DROSHA: variants seen among roughly 807,000 people sequenced by gnomAD.
DROSHA encodes ribonuclease 3.
Under a neutral mutation model 181.9 loss-of-function variants are expected in DROSHA, and 56 were observed. The observed-to-expected ratio is 0.31, with a 90% CI of 0.25 to 0.38. The LOEUF is 0.38. DROSHA is among the 10% of genes least tolerant of loss of function. DROSHA has a pLI of 1.00. For missense variants in DROSHA, 1,218 were observed against 1,743.5 expected, an observed-to-expected ratio of 0.70 and a Z score of 5.37; for synonymous variants, 524 against 591.2, an observed-to-expected ratio of 0.89 and a Z score of 1.65.
intron 20 of DROSHA, among the ~76,000 whole-genome samples, chr5:31,459,586 T>C (rs1748141666): frequency 6.6e-6 from 1 of 152,146 alleles, no homozygotes; most frequent in Non-Finnish European, 1.5e-5. Flanking sequence ...CTCCCAGACA[T>C]TCCTCCTTCC....
At chr5:31,496,315 C>T (rs1051943303) in intron 11 of DROSHA, among the ~76,000 whole-genome samples, 3 of 152,180 alleles carry the variant, frequency 2.0e-5, no homozygotes, top group Non-Finnish European at 2.9e-5. Context: ...GTGGTCCCAG[C>T]TACTCAGGAG....
chr5:31,417,385 G>C (rs1029870135), intron 30 of DROSHA, among the ~76,000 whole-genome samples: 36 of 152,268 alleles, frequency 2.4e-4, no homozygotes, highest in African/African-American at 8.7e-4. Context: ...GGAAGGTTTG[G>C]GAGGTTTTGT....
chr5:31,522,386 C>T (rs552956194), intron 5 of DROSHA, among the ~76,000 whole-genome samples: 8 of 151,894 alleles, frequency 5.3e-5, no homozygotes, highest in African/African-American at 1.2e-4. Context: ...TGTAATGGCA[C>T]GGCTGTTGAA....
At chr5:31,443,487 T>A (rs1035985901) in intron 23 of DROSHA, among the ~76,000 whole-genome samples, 2 of 152,192 alleles carry the variant, frequency 1.3e-5, no homozygotes, top group African/African-American at 4.8e-5. Flanking sequence ...AAATGCCTAA[T>A]CCTTCAGACA....
chr5:31,504,769 T>C (rs546913208), intron 10 of DROSHA, 134 bp from the exon 11 acceptor site: 11 of 847,770 alleles, frequency 1.3e-5, no homozygotes, highest in Admixed American at 1.2e-4. Context: ...GTTAGAAGAT[T>C]AAACGGATGT....
At chr5:31,520,608 T>C (rs1034967450) in intron 6 of DROSHA, among the ~76,000 whole-genome samples, 8 of 152,114 alleles carry the variant, frequency 5.3e-5, no homozygotes, top group African/African-American at 1.9e-4. Context: ...AGTAATAAAA[T>C]TGGGAGAGCT....
intron 15 of DROSHA, among the ~76,000 whole-genome samples, chr5:31,484,383 A>C: frequency 1.4e-5 from 1 of 71,444 alleles, no homozygotes; most frequent in African/African-American, 4.5e-5. Context: ...TCCGTCTCAA[A>C]AAAAAAAAAA....
chr5:31,466,319 G>A (rs2150025782), intron 18 of DROSHA, 38 bp from the exon 19 acceptor site: 5 of 1,582,282 alleles, frequency 3.2e-6, no homozygotes, highest in Non-Finnish European at 4.3e-6. Context: ...AGGTAAAGAG[G>A]AGGTAAACCT....
At chr5:31,404,922 G>T (rs1347069422) in intron 35 of DROSHA, among the ~76,000 whole-genome samples, 1 of 152,026 alleles carries the variant, frequency 6.6e-6, no homozygotes, top group Non-Finnish European at 1.5e-5. Flanking sequence ...TAATCTGCAG[G>T]GCTGCTCATG....
Position 31,515,176 on chromosome 5 carries a change from C to T in DROSHA, c.1102G>A (p.Glu368Lys). 6.2e-7 allele frequency: 1 copy of T among 1,613,914 alleles called. No individual in the cohort carries two copies. The highest frequency in any genetic ancestry group is 8.5e-7 in the Non-Finnish European group (1 of 1,179,874). Residue 368 changes from glutamate to lysine, a missense_variant, in exon 8 of 36, where the codon GAA becomes AAA. By Grantham distance (56) the Glu-to-Lys change is moderately conservative (BLOSUM62 1). Coordinates refer to ENST00000344624, the MANE Select transcript of DROSHA (RefSeq NM_001382508.1). ...REKKRARWEE[E>K]KDRWSDNQSS... ...TGGTTGTCACTCCAACGGTCTTTTT[C>T]TTCCTCCCAACGAGCTCTCTTCTTC... is the stretch of plus-strand genomic sequence containing the variant.
In DROSHA at chr5:31,412,788, A is replaced by G. The variant is rs1231733445; in HGVS notation, c.3526-1901T>C. ...AACATTAATATAAGACCCAACCAATAAAGAGCCCACTAGCCTAATATCTTG... is the reference window on the plus strand; with the variant it reads ...AACATTAATATAAGACCCAACCAATGAAGAGCCCACTAGCCTAATATCTTG... On this transcript the variant is annotated intron_variant, in intron 30 of 35. Transcript: ENST00000344624. Among the ~76,000 whole-genome samples, 5 of 152,152 alleles carry G rather than the reference A, an allele frequency of 3.3e-5. No homozygotes were observed. In the East Asian group the frequency reaches 9.6e-4, roughly 29 times the overall value.
chr5:31,448,644 G>T, intron 22 of DROSHA, 37 bp from the exon 23 acceptor site: 11 of 1,500,680 alleles, frequency 7.3e-6, no homozygotes, highest in South Asian at 1.1e-5. Context: ...AAGTAAATAC[G>T]GATAGAAGAA....
chr5:31,448,293 GAC>G (rs1468469844), intron 23 of DROSHA, among the ~76,000 whole-genome samples: 1 of 152,172 alleles, frequency 6.6e-6, no homozygotes, highest in Non-Finnish European at 1.5e-5. Flanking sequence ...GTTCAGAAGA[GAC>G]AAATCCATAG....
At chr5:31,480,077 T>C (rs1160984946) in intron 16 of DROSHA, among the ~76,000 whole-genome samples, 2 of 151,206 alleles carry the variant, frequency 1.3e-5, no homozygotes, top group Non-Finnish European at 3.0e-5. Context: ...TAATGACTAA[T>C]AAAATGGAGC....
Position 31,472,140 on chromosome 5 carries a change from T to C in DROSHA, c.2164A>G (p.Met722Val). 1 of 1,613,946 alleles carries C rather than the reference T, an allele frequency of 6.2e-7. No homozygotes were observed. Among genetic ancestry groups the C allele is most frequent in the Non-Finnish European group, 8.5e-7 (1 of 1,179,876 alleles). ...ALVPEEEIAN[M>V]LQWEELEWQK... Reference sequence around the variant, plus strand: ...CACTCCAGCTCCTCCCACTGAAGCATATTGGCAATCTCCTCCTCAGGCACC... The same window carrying C: ...CACTCCAGCTCCTCCCACTGAAGCACATTGGCAATCTCCTCCTCAGGCACC... The change falls in exon 17 of 36, where the codon ATG becomes GTG. Residue 722 changes from methionine (M) to valine (V), a missense_variant. This residue lies in a region of DROSHA where 460 missense variants were observed against 774.2 expected (regional missense o/e 0.59). Coordinates refer to ENST00000344624, the MANE Select transcript of DROSHA (RefSeq NM_001382508.1).
chr5:31,509,094 A>T (rs564516564), intron 9 of DROSHA, among the ~76,000 whole-genome samples: 1 of 152,266 alleles, frequency 6.6e-6, no homozygotes, highest in East Asian at 1.9e-4. Flanking sequence ...AAGTGCTGGG[A>T]TTATAGGCAT....
chr5:31,510,969 T>A (rs1738597587), intron 9 of DROSHA, 66 bp downstream of exon 9: 1 of 1,576,108 alleles, frequency 6.3e-7, no homozygotes, highest in Non-Finnish European at 8.6e-7. Context: ...CAAGGGTATT[T>A]CCCCAAAATT....
At chr5:31,434,503 A>G (rs901160442) in intron 25 of DROSHA, among the ~76,000 whole-genome samples, 9 of 152,206 alleles carry the variant, frequency 5.9e-5, no homozygotes, top group Non-Finnish European at 1.3e-4. Flanking sequence ...ATCAATATTT[A>G]CTTTCTCAAA....
At chr5:31,472,816 GA>G (rs959798226) in intron 16 of DROSHA, among the ~76,000 whole-genome samples, 1 of 151,774 alleles carries the variant, frequency 6.6e-6, no homozygotes, top group African/African-American at 2.4e-5. Context: ...TTAGTACATG[GA>G]AAAAAAACCA....
Sources: gnomAD v4.1 joint callset for allele counts (sites outside exome capture counted in the v4.1 genomes callset) on GRCh38, gnomAD v4.1.1 for gene constraint, gnomAD v4.1.1 regional missense constraint, MANE v1.5 for transcripts, NCBI Gene and HGNC (gene_info 2026-07-23, HGNC 2026-07-21) for gene names.